The following KRABD5 variants were observed in gnomAD, a reference collection of about 807,000 sequenced individuals.
KRABD5 encodes KRAB domain containing 5.
the KRABD5 span, chr16:31,756,292 T>C: frequency 1.1e-4 from 17 of 152,254 alleles, no homozygotes; most frequent in African/African-American, 4.1e-4. Context: ...TGTAAACATA[T>C]AGTACATATT....
chr16:31,713,326 C>A, the KRABD5 span: 16 of 1,500,722 alleles, frequency 1.1e-5, no homozygotes, highest in Non-Finnish European at 1.4e-5. Context: ...TCTGGGAGGC[C>A]AAGGCGGCTT....
At chr16:31,727,978 C>G in the KRABD5 span, among the ~76,000 whole-genome samples, 1 of 152,132 alleles carries the variant, frequency 6.6e-6, no homozygotes, top group Non-Finnish European at 1.5e-5. Flanking sequence ...TCTCCCATCT[C>G]CCAAGTAGCT....
the KRABD5 span, chr16:31,722,551 A>G: frequency 4.5e-6 from 7 of 1,564,376 alleles, no homozygotes; most frequent in Non-Finnish European, 6.1e-6. Flanking sequence ...TAGCTCTCTT[A>G]TTTCATCTTG....
At chr16:31,759,278 G>T in the KRABD5 span, 10 of 1,448,444 alleles carry the variant, frequency 6.9e-6, no homozygotes, top group East Asian at 2.5e-5. Context: ...ACACATCCTG[G>T]ATAAAATTCA....
the KRABD5 span, chr16:31,713,655 G>A: frequency 1.6e-6 from 1 of 632,360 alleles, no homozygotes; most frequent in Non-Finnish European, 2.7e-6. Flanking sequence ...GCCATGGCCG[G>A]AGCCGTCTTT....
chr16:31,740,114 GCTGTGAGACCC>G, the KRABD5 span, among the ~76,000 whole-genome samples: 1 of 152,104 alleles, frequency 6.6e-6, no homozygotes, highest in Admixed American at 6.5e-5. Flanking sequence ...AGCTCTGAAG[GCTGTGAGACCC>G]CTGATTTCCC....
chr16:31,743,995 T>C, the KRABD5 span, among the ~76,000 whole-genome samples: 1 of 152,196 alleles, frequency 6.6e-6, no homozygotes, highest in Non-Finnish European at 1.5e-5. Flanking sequence ...TTTTCTGAAG[T>C]TGCTTATCAG....
At chr16:31,746,013 C>T in the KRABD5 span, among the ~76,000 whole-genome samples, 1 of 151,370 alleles carries the variant, frequency 6.6e-6, no homozygotes, top group African/African-American at 2.4e-5. Context: ...CTATATGTGT[C>T]TTTGCACATG....
At chr16:31,754,377 A>G in the KRABD5 span, 1 of 613,148 alleles carries the variant, frequency 1.6e-6, no homozygotes, top group Non-Finnish European at 2.9e-6. Flanking sequence ...TTGGGAAAAT[A>G]TCACACACAT....
the KRABD5 span, among the ~76,000 whole-genome samples, chr16:31,725,988 G>A: frequency 3.3e-5 from 5 of 152,256 alleles, no homozygotes; most frequent in South Asian, 8.3e-4. Context: ...AGTCCCGCTT[G>A]TTTTTGTTTT....
chr16:31,735,489 C>T, the KRABD5 span, among the ~76,000 whole-genome samples: 1 of 152,186 alleles, frequency 6.6e-6, no homozygotes, highest in African/African-American at 2.4e-5. Context: ...AACCTCCATA[C>T]TCTTTTATAG....
At chr16:31,729,007 A>C in the KRABD5 span, among the ~76,000 whole-genome samples, 1 of 151,992 alleles carries the variant, frequency 6.6e-6, no homozygotes, top group Admixed American at 6.6e-5. Flanking sequence ...AGACAAATTA[A>C]CCTCTCTATT....
chr16:31,729,977 C>T, the KRABD5 span, among the ~76,000 whole-genome samples: 2 of 151,956 alleles, frequency 1.3e-5, no homozygotes, highest in Non-Finnish European at 2.9e-5. Flanking sequence ...ATTTTGTATT[C>T]ATTAACAAAT....
chr16:31,727,516 A>G, the KRABD5 span, among the ~76,000 whole-genome samples: 4 of 152,232 alleles, frequency 2.6e-5, no homozygotes, highest in Non-Finnish European at 4.4e-5. Context: ...TTTTCATTAC[A>G]TGCAAACTAA....
chr16:31,761,047 G>A, the KRABD5 span: 1 of 152,180 alleles, frequency 6.6e-6, no homozygotes, highest in Non-Finnish European at 1.5e-5. Context: ...GGGCTTTGGA[G>A]TCAGGCAGAG....
chr16:31,717,008 T>C, the KRABD5 span, among the ~76,000 whole-genome samples: 1 of 145,898 alleles, frequency 6.9e-6, no homozygotes, highest in African/African-American at 2.6e-5. Context: ...TTTTTTTTTT[T>C]TTTTTTTTTT....
the KRABD5 span, chr16:31,756,727 T>C: frequency 1.3e-5 from 2 of 152,342 alleles, no homozygotes; most frequent in East Asian, 3.9e-4. Flanking sequence ...TTATTCAATA[T>C]TTTTCTTTGC....
the KRABD5 span, among the ~76,000 whole-genome samples, chr16:31,747,749 C>T: frequency 1.3e-4 from 20 of 152,200 alleles, no homozygotes; most frequent in Non-Finnish European, 1.3e-4. Context: ...AGTGATGATG[C>T]GCATTTCTTC....
chr16:31,744,014 GT>G, the KRABD5 span, among the ~76,000 whole-genome samples: 6 of 151,928 alleles, frequency 3.9e-5, no homozygotes, highest in Admixed American at 3.3e-4. Context: ...AGTTTAAGGA[GT>G]TTTTTTTGGC....
Sources: gnomAD v4.1 joint callset for allele counts (sites outside exome capture counted in the v4.1 genomes callset) on GRCh38, gnomAD v4.1.1 for gene constraint, MANE v1.5 for transcripts, NCBI Gene and HGNC (gene_info 2026-07-23, HGNC 2026-07-21) for gene names.